Variants in COL4A2 observed in about 807,000 individuals in gnomAD.
COL4A2 encodes collagen type IV alpha 2 chain, also known as collagen alpha-2(IV) chain.
COL4A2 carries 99 observed loss-of-function variants against 200.2 expected under a neutral mutation model. That is an observed-to-expected ratio of 0.49 (90% CI 0.42 to 0.58). The LOEUF (loss-of-function observed/expected upper bound fraction) is 0.58. Ranked by LOEUF, COL4A2 falls within the 20% of genes least tolerant of loss-of-function variation. COL4A2 has a pLI of 0.00. For synonymous variants in COL4A2, 897 were observed against 900.6 expected (o/e 1.00, Z 0.07); for missense variants, 1,950 against 2,314.1 (o/e 0.84, Z 3.23).
intron 3 of COL4A2, among the ~76,000 whole-genome samples, chr13:110,309,580 G>C (rs1239562063): frequency 2.6e-5 from 4 of 152,228 alleles, no homozygotes; most frequent in African/African-American, 9.6e-5. Flanking sequence ...GTCCCTTAGA[G>C]CCACTTTTAT....
chr13:110,476,146 G>A (rs976931895), intron 29 of COL4A2, among the ~76,000 whole-genome samples: 4 of 152,282 alleles, frequency 2.6e-5, no homozygotes, highest in Admixed American at 1.3e-4. Context: ...CCTGGGTTAT[G>A]AATGTCACCT....
At position 110,489,477 on chromosome 13, in the gene COL4A2, G is replaced by A. The variant is rs1883213224; in HGVS notation, c.3240G>A (p.Leu1080=). The change falls in exon 35 of 48, where the codon CTG becomes CTA. Residue 1080 remains leucine, a synonymous_variant. Coordinates refer to ENST00000360467, the MANE Select transcript of COL4A2 (RefSeq NM_001846.4). The stretch of plus-strand genomic sequence containing the variant: ...AAGGTGCCCCAGGGAGAGCAGGCCT[G>A]TATGGCGAGATTGGCGCGACTGGTG... ...GDKGAPGRAG[L]YGEIGATGDF... 1 of 1,614,092 alleles carries A rather than the reference G, an allele frequency of 6.2e-7. No homozygotes were observed. The highest frequency in any genetic ancestry group is 8.5e-7 in the Non-Finnish European group (1 of 1,180,048).
chr13:110,488,603 G>A (rs895360379), intron 34 of COL4A2, among the ~76,000 whole-genome samples: 4 of 152,218 alleles, frequency 2.6e-5, no homozygotes, highest in Admixed American at 6.5e-5. Flanking sequence ...TCTGCAGAGA[G>A]CAAGCTCTGC....
chr13:110,408,812 T>TACACAC (rs68036789), intron 4 of COL4A2, among the ~76,000 whole-genome samples: 3 of 83,940 alleles, frequency 3.6e-5, no homozygotes, highest in African/African-American at 1.1e-4. Context: ...CACATATATA[T>TACACAC]ACACACACAC....
chr13:110,419,819 T>C (rs891209815), intron 4 of COL4A2, among the ~76,000 whole-genome samples: 5 of 152,190 alleles, frequency 3.3e-5, no homozygotes, highest in Admixed American at 6.5e-5. Flanking sequence ...ATCACTGAAG[T>C]ATAAGGCCAA....
At chr13:110,437,904 A>T in intron 13 of COL4A2, 98 bp from the exon 14 acceptor site, 1 of 964,434 alleles carries the variant, frequency 1.0e-6, no homozygotes. Context: ...GTGAGGATTG[A>T]TTCAGTACTT....
chr13:110,344,898 G>C (rs1876629368), intron 3 of COL4A2, among the ~76,000 whole-genome samples: 1 of 152,050 alleles, frequency 6.6e-6, no homozygotes, highest in South Asian at 2.1e-4. Context: ...GCTATTATTT[G>C]TATTAGGATT....
chr13:110,399,257 A>G (rs142755621), intron 4 of COL4A2, among the ~76,000 whole-genome samples: 20 of 152,352 alleles, frequency 1.3e-4, no homozygotes, highest in South Asian at 6.2e-4. Flanking sequence ...GAGAGCAAAG[A>G]TAAAATCTTG....
At chr13:110,340,041 A>G (rs1876378865) in intron 3 of COL4A2, among the ~76,000 whole-genome samples, 1 of 152,242 alleles carries the variant, frequency 6.6e-6, no homozygotes, top group Non-Finnish European at 1.5e-5. Context: ...GGTAGAGTGG[A>G]TAATAAATGG....
chr13:110,374,379 C>A (rs1440356257), intron 4 of COL4A2, among the ~76,000 whole-genome samples: 3 of 152,214 alleles, frequency 2.0e-5, no homozygotes, highest in African/African-American at 7.2e-5. Context: ...CCTTTAAAAT[C>A]TGGGTATGAT....
chr13:110,425,130 G>T, intron 6 of COL4A2, 133 bp downstream of exon 6: 1 of 997,246 alleles, frequency 1.0e-6, no homozygotes, highest in South Asian at 1.5e-5. Context: ...GACTATACGT[G>T]CGTATTCTCC....
chr13:110,338,968 C>G (rs1876332724), intron 3 of COL4A2, among the ~76,000 whole-genome samples: 1 of 152,210 alleles, frequency 6.6e-6, no homozygotes, highest in African/African-American at 2.4e-5. Context: ...GAAAATGGTG[C>G]TCTTGGATTG....
chr13:110,430,885 A>C, intron 10 of COL4A2: 1 of 643,322 alleles, frequency 1.6e-6, no homozygotes. Flanking sequence ...TCCCCACCCC[A>C]TACCTACCCA....
chr13:110,511,416 C>T (rs1179965296), intron 47 of COL4A2, among the ~76,000 whole-genome samples: 1 of 152,062 alleles, frequency 6.6e-6, no homozygotes, highest in African/African-American at 2.4e-5. Flanking sequence ...TCTTTCCTCC[C>T]TGATCATCAG....
chr13:110,389,165 G>A (rs1465969706), intron 4 of COL4A2, among the ~76,000 whole-genome samples: 5 of 152,182 alleles, frequency 3.3e-5, no homozygotes, highest in African/African-American at 7.2e-5. Context: ...AGCCCAGCCC[G>A]TGAATGAGTG....
At chr13:110,346,310 A>C (rs1049084380) in intron 3 of COL4A2, among the ~76,000 whole-genome samples, 2 of 152,148 alleles carry the variant, frequency 1.3e-5, no homozygotes, top group African/African-American at 4.8e-5. Flanking sequence ...TTCAAAGGAG[A>C]ATTTAGCCAT....
chr13:110,500,094 G>C (rs772347404), intron 40 of COL4A2, among the ~76,000 whole-genome samples: 36 of 152,298 alleles, frequency 2.4e-4, no homozygotes, highest in Middle Eastern at 6.8e-3. Context: ...TTGGAAGCAC[G>C]CATGAATGGA....
intron 4 of COL4A2, among the ~76,000 whole-genome samples, chr13:110,394,666 C>T (rs556369630): frequency 1.6e-4 from 25 of 152,356 alleles, no homozygotes; most frequent in South Asian, 6.2e-4. Context: ...CCATTTGCCA[C>T]GCTTCAGTCA....
At chr13:110,327,894 A>C (rs1764803394) in intron 3 of COL4A2, among the ~76,000 whole-genome samples, 1 of 152,262 alleles carries the variant, frequency 6.6e-6, no homozygotes, top group Non-Finnish European at 1.5e-5. Context: ...TCACACACAC[A>C]AAATGATTCA....
Sources: allele counts gnomAD v4.1 joint callset (sites outside exome capture counted in the v4.1 genomes callset), GRCh38; gene constraint gnomAD v4.1.1; transcripts MANE v1.5; gene names NCBI Gene and HGNC (gene_info 2026-07-23, HGNC 2026-07-21).